EPB41L4A: variants seen among roughly 807,000 people sequenced by gnomAD.
EPB41L4A encodes band 4.1-like protein 4A.
In EPB41L4A, 100 loss-of-function variants were observed where a neutral mutation model predicts 108.6. That is an observed-to-expected ratio of 0.92 (90% CI 0.78 to 1.09). The LOEUF (loss-of-function observed/expected upper bound fraction) is 1.09. Ranked by LOEUF, EPB41L4A falls within the 50% of genes least tolerant of loss-of-function variation. EPB41L4A has a pLI of 0.00. For synonymous variants in EPB41L4A, 319 were observed against 289.0 expected (o/e 1.10, Z -1.05); for missense variants, 1,030 against 842.7 (o/e 1.22, Z -2.75).
At chr5:112,289,539 G>T (rs1206977552) in intron 2 of EPB41L4A, among the ~76,000 whole-genome samples, 1 of 152,138 alleles carries the variant, frequency 6.6e-6, no homozygotes, top group African/African-American at 2.4e-5. Flanking sequence ...GTAACTGCCT[G>T]TCTTCTGAGA....
rs200197988 is a variant in EPB41L4A at position 112,209,941 on chromosome 5, C to T, written c.1129G>A (p.Gly377Arg). The T allele has an allele frequency of 2.4e-5, 39 of 1,608,454 alleles. No individual in the cohort carries two copies. The highest frequency in any genetic ancestry group is 3.0e-5 in the Non-Finnish European group (35 of 1,176,142). Residue 377 changes from glycine (G) to arginine (R), a missense_variant, in exon 13 of 23, where the codon GGA becomes AGA. By Grantham distance (125) the Gly-to-Arg change is moderately radical (BLOSUM62 -2). Transcript: ENST00000261486. The stretch of plus-strand genomic sequence containing the variant: ...ATTTTAATTGTTCCTTCATTTTCTC[C>T]ATTTTCCATGTTTGCAGTTATCCTA... The part of the protein sequence containing the change: ...ISRITANMEN[G>R]ENEGTIKIIA...
rs1183806972 is a variant in EPB41L4A, at chr5:112,309,800, AT to A, written c.100-2311del. On this transcript the variant is annotated intron_variant, in intron 1 of 22. Coordinates refer to ENST00000261486, the MANE Select transcript of EPB41L4A (RefSeq NM_022140.5). Reference sequence around the variant, plus strand: ...GAAAAGCAGGGGGAAAGTCAACTATATTCAAACCATGAGAAGGGTTCCACCC... The same window carrying A: ...GAAAAGCAGGGGGAAAGTCAACTATATCAAACCATGAGAAGGGTTCCACCC... 2.0e-5 allele frequency among the ~76,000 whole-genome samples: 3 copies of A among 152,296 alleles called. No individual in the cohort carries two copies. The East Asian group carries it at 5.8e-4, about 29-fold the overall frequency.
At chr5:112,226,848 G>T (rs549939753) in intron 12 of EPB41L4A, among the ~76,000 whole-genome samples, 138 of 151,860 alleles carry the variant, frequency 9.1e-4, no homozygotes, top group Non-Finnish European at 1.0e-3. Context: ...TGTTTACGGG[G>T]TATAGTTTCA....
At chr5:112,352,638 T>C (rs1758118025) in intron 1 of EPB41L4A, among the ~76,000 whole-genome samples, 1 of 152,214 alleles carries the variant, frequency 6.6e-6, no homozygotes, top group Admixed American at 6.5e-5. Flanking sequence ...TGTTTTGTTG[T>C]TTTCCGTTTT....
At chr5:112,355,495 T>A (rs1163938771) in intron 1 of EPB41L4A, among the ~76,000 whole-genome samples, 2 of 152,316 alleles carry the variant, frequency 1.3e-5, no homozygotes, top group South Asian at 2.1e-4. Flanking sequence ...AATGTGTTTA[T>A]CTATCAGCAC....
At chr5:112,306,251 T>C (rs1023889954) in intron 2 of EPB41L4A, among the ~76,000 whole-genome samples, 1 of 152,168 alleles carries the variant, frequency 6.6e-6, no homozygotes, top group Admixed American at 6.6e-5. Flanking sequence ...ACAGTACTGC[T>C]ATATTTATTC....
downstream of EPB41L4A, among the ~76,000 whole-genome samples, chr5:112,157,658 C>T (rs190478712): frequency 2.9e-3 from 436 of 152,298 alleles, 6 homozygotes; most frequent in African/African-American, 9.9e-3. Context: ...CCTGCCTTCC[C>T]TTCTGCCAAA....
chr5:112,222,838 A>G (rs1386699091), intron 12 of EPB41L4A, among the ~76,000 whole-genome samples: 1 of 152,124 alleles, frequency 6.6e-6, no homozygotes, highest in Non-Finnish European at 1.5e-5. Context: ...GTCCACTGTT[A>G]CAGAGGGCTC....
intron 9 of EPB41L4A, among the ~76,000 whole-genome samples, chr5:112,252,175 T>C (rs537236005): frequency 1.3e-5 from 2 of 152,188 alleles, no homozygotes; most frequent in Non-Finnish European, 2.9e-5. Flanking sequence ...TGCTGTGAAC[T>C]CCTGATTTCT....
intron 1 of EPB41L4A, among the ~76,000 whole-genome samples, chr5:112,411,273 G>A (rs1160447505): frequency 6.6e-6 from 1 of 152,108 alleles, no homozygotes; most frequent in East Asian, 1.9e-4. Context: ...TCTAGTGGTG[G>A]TTGAGGCAAT....
chr5:112,343,596 C>T (rs1053915212), intron 1 of EPB41L4A, among the ~76,000 whole-genome samples: 1 of 151,938 alleles, frequency 6.6e-6, no homozygotes, highest in East Asian at 1.9e-4. Flanking sequence ...TCATCATTAC[C>T]ACCACCACCA....
intron 12 of EPB41L4A, among the ~76,000 whole-genome samples, chr5:112,150,499 G>A (rs1191625209): frequency 5.3e-5 from 8 of 152,006 alleles, no homozygotes; most frequent in South Asian, 2.1e-4. Context: ...TATAATAACT[G>A]ACATTAAAAA....
In EPB41L4A at chr5:112,414,813, G is replaced by A. The variant is rs116607336; in HGVS notation, c.99+4128C>T. Among the ~76,000 whole-genome samples the A allele has an allele frequency of 6.9e-3, 1,044 of 152,200 alleles. 9 individuals are homozygous for A. The highest frequency in any genetic ancestry group is 0.024 in the African/African-American group (990 of 41,532). On this transcript the variant is annotated intron_variant, in intron 1 of 22. Transcript: ENST00000261486. ...GCTATTTATACACAGTTCATCTTAT[G>A]CGGCCACAACCTGGATATCACTTTT... is the stretch of plus-strand genomic sequence containing the variant.
chr5:112,170,137 T>C (rs1026129328), intron 20 of EPB41L4A, 164 bp downstream of exon 20: 3 of 654,834 alleles, frequency 4.6e-6, no homozygotes, highest in African/African-American at 3.7e-5. Flanking sequence ...GTAGAATAAG[T>C]AGCTTTAATG....
intron 2 of EPB41L4A, among the ~76,000 whole-genome samples, chr5:112,304,625 TTTAA>T (rs1268316974): frequency 3.3e-5 from 5 of 152,096 alleles, no homozygotes; most frequent in African/African-American, 7.3e-5. Context: ...CTACAGTTTA[TTTAA>T]TTTTTTCTTT....
intron 12 of EPB41L4A, among the ~76,000 whole-genome samples, chr5:112,217,800 T>C (rs898851786): frequency 2.0e-5 from 3 of 152,174 alleles, no homozygotes; most frequent in Non-Finnish European, 2.9e-5. Flanking sequence ...CCAATTTTGC[T>C]ACTGCAAGAT....
intron 1 of EPB41L4A, among the ~76,000 whole-genome samples, chr5:112,388,636 C>T (rs188259062): frequency 0.012 from 1,774 of 152,266 alleles, 26 homozygotes; most frequent in South Asian, 0.038. Context: ...TGCCTTGACA[C>T]AAGACACTGC....
intron 1 of EPB41L4A, among the ~76,000 whole-genome samples, chr5:112,364,506 C>G (rs889495715): frequency 6.6e-6 from 1 of 152,164 alleles, no homozygotes; most frequent in African/African-American, 2.4e-5. Flanking sequence ...ATGACATGAG[C>G]ACATTTTCAC....
At position 112,266,321 on chromosome 5, in the gene EPB41L4A, A is replaced by G; in HGVS notation, c.345T>C (p.Phe115=). ...GGACATCTTGCTTCACCTGCAAGAA[A>G]AACTGATATCTAAAAGAGAAACAAA... ...KLKEEITRYQ[F]FLQVKQDVLQ... is the part of the protein sequence containing the mutation. The change falls in exon 5 of 23, where the codon TTT becomes TTC. Residue 115 remains phenylalanine (F), a synonymous_variant. Transcript: ENST00000261486. The G allele has an allele frequency of 6.3e-7, 1 of 1,598,670 alleles. No homozygotes were observed. Among genetic ancestry groups the G allele is most frequent in the South Asian group, 1.1e-5 (1 of 87,890 alleles).
Sources: gnomAD v4.1 joint callset for allele counts (sites outside exome capture counted in the v4.1 genomes callset) on GRCh38, gnomAD v4.1.1 for gene constraint, MANE v1.5 for transcripts, NCBI Gene and HGNC (gene_info 2026-07-23, HGNC 2026-07-21) for gene names.